UTS2: variants seen among roughly 807,000 people sequenced by gnomAD.
UTS2 encodes urotensin 2, also known as urotensin-2.
A neutral mutation model predicts 12.6 loss-of-function variants in UTS2; 10 were observed. The ratio of observed to expected loss-of-function variants is 0.80; its 90% CI spans 0.49 to 1.35. UTS2 has a LOEUF of 1.35. Ranked by LOEUF, UTS2 falls within the 40% of genes most tolerant of loss-of-function variation. UTS2 has a pLI of 0.00. For synonymous variants in UTS2, 52 were observed against 50.0 expected, an observed-to-expected ratio of 1.04 and a Z score of -0.17; for missense variants, 142 against 143.2, an observed-to-expected ratio of 0.99 and a Z score of 0.04.
the UTS2 span, among the ~76,000 whole-genome samples, chr1:7,911,832 C>T: frequency 1.4e-5 from 2 of 146,922 alleles, no homozygotes; most frequent in Non-Finnish European, 3.0e-5. Flanking sequence ...ACCCAGGAGG[C>T]GGAGGTTACA....
At chr1:7,880,410 G>T in the UTS2 span, among the ~76,000 whole-genome samples, 2 of 147,002 alleles carry the variant, frequency 1.4e-5, no homozygotes, top group Non-Finnish European at 3.0e-5. Flanking sequence ...ACTAACCGGG[G>T]AGTGGGGTGG....
the UTS2 span, among the ~76,000 whole-genome samples, chr1:7,898,535 G>T: frequency 6.6e-6 from 1 of 151,962 alleles, no homozygotes; most frequent in African/African-American, 2.4e-5. Context: ...GAGTGCAGTG[G>T]CGCGATCTCG....
chr1:7,868,304 CGT>C, the UTS2 span, among the ~76,000 whole-genome samples: 1 of 152,184 alleles, frequency 6.6e-6, no homozygotes, highest in Admixed American at 6.5e-5. Flanking sequence ...CTTGTGGGCA[CGT>C]GTTTCATCCA....
chr1:7,854,150 C>T (rs559626074), upstream of UTS2, among the ~76,000 whole-genome samples: 7 of 151,946 alleles, frequency 4.6e-5, no homozygotes, highest in African/African-American at 1.4e-4. Flanking sequence ...TTGAGACCAG[C>T]CTGACCAACA....
chr1:7,902,161 G>A, the UTS2 span, among the ~76,000 whole-genome samples: 1 of 149,098 alleles, frequency 6.7e-6, no homozygotes, highest in East Asian at 2.0e-4. Context: ...CAGGGTCTGG[G>A]ATCAGACACA....
chr1:7,889,747 G>A, the UTS2 span, among the ~76,000 whole-genome samples: 5 of 151,474 alleles, frequency 3.3e-5, no homozygotes, highest in African/African-American at 9.7e-5. Flanking sequence ...CTTGAACCTG[G>A]GAGATGGAGG....
At chr1:7,873,594 G>A in the UTS2 span, among the ~76,000 whole-genome samples, 6 of 152,180 alleles carry the variant, frequency 3.9e-5, no homozygotes, top group Admixed American at 3.3e-4. Flanking sequence ...AGTGGAATCC[G>A]AAGATGTGAC....
chr1:7,862,057 G>C, the UTS2 span, among the ~76,000 whole-genome samples: 135,466 of 151,698 alleles, frequency 0.89, 60,666 homozygotes, highest in East Asian at 0.96. Flanking sequence ...GGATTACAGG[G>C]GCTGCCCACC....
At chr1:7,880,620 T>C in the UTS2 span, among the ~76,000 whole-genome samples, 3 of 151,948 alleles carry the variant, frequency 2.0e-5, no homozygotes, top group Non-Finnish European at 2.9e-5. Flanking sequence ...CAGGAAGAAA[T>C]AGAAAACTTG....
the UTS2 span, among the ~76,000 whole-genome samples, chr1:7,859,527 G>C: frequency 1.3e-5 from 2 of 152,188 alleles, no homozygotes; most frequent in Non-Finnish European, 2.9e-5. Flanking sequence ...AGCTATCTGA[G>C]AGGAAGAGCC....
the UTS2 span, among the ~76,000 whole-genome samples, chr1:7,863,055 ATTGTATTGTATT>A: frequency 1.8e-4 from 13 of 71,890 alleles, no homozygotes; most frequent in South Asian, 1.1e-3. Flanking sequence ...ATTGTATTGT[ATTGTATTGTATT>A]GTATTGTATT....
chr1:7,871,362 A>G, the UTS2 span, among the ~76,000 whole-genome samples: 1 of 152,156 alleles, frequency 6.6e-6, no homozygotes, highest in South Asian at 2.1e-4. Context: ...GTGTAGAAGC[A>G]TGGGGTCATT....
chr1:7,849,680 G>A lies in UTS2; in HGVS notation c.218C>T (p.Ser73Leu), dbSNP rs1340657352. Residue 73 changes from serine (S) to leucine (L), a missense_variant, in exon 3 of 4, where the codon TCA becomes TTA. Physicochemically the swap from Ser to Leu is moderately radical, Grantham distance 145. Coordinates refer to ENST00000361696, the MANE Select transcript of UTS2 (RefSeq NM_006786.4). ...ERGDILRKAD[S>L]STNIFNPRGN... ...TCTTGGGTTAAAAATGTTGGTACTT[G>A]AGTCTGAAAAACAGTTTTGAAGCCA... 6.2e-6 allele frequency: 10 copies of A among 1,609,166 alleles called. No individual in the cohort carries two copies. Among genetic ancestry groups the A allele is most frequent in the Non-Finnish European group, 8.5e-6 (10 of 1,179,012 alleles).
At chr1:7,864,375 C>T in the UTS2 span, among the ~76,000 whole-genome samples, 171 of 152,298 alleles carry the variant, frequency 1.1e-3, 1 homozygote, top group Middle Eastern at 3.4e-3. Flanking sequence ...CCCTCTCCCT[C>T]CTGTCTCTCA....
chr1:7,866,931 G>A, the UTS2 span, among the ~76,000 whole-genome samples: 1 of 151,796 alleles, frequency 6.6e-6, no homozygotes, highest in African/African-American at 2.4e-5. The surrounding 1 kb of genome is among the most constrained non-coding windows in gnomAD (Gnocchi z 4.5). Flanking sequence ...GAACAGTGGC[G>A]CCACCTTGGC....
chr1:7,874,749 T>C, the UTS2 span, among the ~76,000 whole-genome samples: 1 of 152,230 alleles, frequency 6.6e-6, no homozygotes, highest in Non-Finnish European at 1.5e-5. Flanking sequence ...GTAATCCAAA[T>C]TGTAATCCCC....
chr1:7,854,511 CAAAA>C (rs34363679), upstream of UTS2, among the ~76,000 whole-genome samples: 6 of 99,468 alleles, frequency 6.0e-5, no homozygotes, highest in African/African-American at 7.6e-5. Context: ...GACCATGTCT[CAAAA>C]AAAAAAAAAA....
the UTS2 span, among the ~76,000 whole-genome samples, chr1:7,906,467 G>GAAAGAAAGAA: frequency 8.8e-6 from 1 of 113,904 alleles, no homozygotes; most frequent in Admixed American, 1.0e-4. Flanking sequence ...AAGAAAGAAA[G>GAAAGAAAGAA]AAAGAAAGAA....
chr1:7,880,909 A>G, the UTS2 span, among the ~76,000 whole-genome samples: 1 of 152,236 alleles, frequency 6.6e-6, no homozygotes, highest in Non-Finnish European at 1.5e-5. Context: ...ACAAAATACT[A>G]GCAAACTCAA....
Sources: gnomAD v4.1 joint callset for allele counts (sites outside exome capture counted in the v4.1 genomes callset) on GRCh38, gnomAD v4.1.1 for gene constraint, Gnocchi (gnomAD v3.1) non-coding constraint, MANE v1.5 for transcripts, NCBI Gene and HGNC (gene_info 2026-07-23, HGNC 2026-07-21) for gene names.